The following TAFA1 variants were observed in gnomAD, a reference collection of about 807,000 sequenced individuals.
The protein encoded by TAFA1 is TAFA chemokine like family member 1.
A neutral mutation model predicts 18.5 loss-of-function variants in TAFA1; 4 were observed. The ratio of observed to expected loss-of-function variants is 0.22; its 90% CI spans 0.11 to 0.49. The LOEUF is 0.49. Among genes scored for constraint, TAFA1 ranks in the 20% least tolerant of loss-of-function variants. The probability of loss-of-function intolerance (pLI) is 0.98; values close to 1 mark genes in which losing one functional copy is unlikely to be tolerated. For synonymous variants in TAFA1, 56 were observed against 55.2 expected (o/e 1.01, Z -0.06); for missense variants, 147 against 169.0 (o/e 0.87, Z 0.72).
intron 2 of TAFA1, among the ~76,000 whole-genome samples, chr3:68,233,477 T>A (rs905950900): frequency 1.3e-5 from 2 of 152,204 alleles, no homozygotes; most frequent in African/African-American, 4.8e-5. Flanking sequence ...TGTATTCTAT[T>A]TCATTGGCCT....
chr3:68,225,573 A>G (rs1412605877), intron 2 of TAFA1, among the ~76,000 whole-genome samples: 1 of 152,098 alleles, frequency 6.6e-6, no homozygotes, highest in Non-Finnish European at 1.5e-5. Context: ...CGTAGGAAAT[A>G]TGTATTTCCT....
At chr3:68,202,285 G>A (rs549938282) in intron 2 of TAFA1, among the ~76,000 whole-genome samples, 1 of 151,664 alleles carries the variant, frequency 6.6e-6, no homozygotes, top group African/African-American at 2.4e-5. Flanking sequence ...ACATCTAGTT[G>A]GGTCTTGTTT....
chr3:68,021,185 C>A (rs1337176496), intron 2 of TAFA1, among the ~76,000 whole-genome samples: 23 of 56,084 alleles, frequency 4.1e-4, no homozygotes, highest in East Asian at 5.3e-4. Context: ...GACCCTGTCT[C>A]AAAAAAAAAA....
At chr3:68,471,061 G>A (rs545653480) in intron 3 of TAFA1, among the ~76,000 whole-genome samples, 35 of 152,190 alleles carry the variant, frequency 2.3e-4, no homozygotes, top group South Asian at 2.3e-3. Flanking sequence ...AGGGGCCAAC[G>A]TACAGCTCAG....
At chr3:68,288,748 TG>T (rs2068060767) in intron 2 of TAFA1, among the ~76,000 whole-genome samples, 1 of 152,226 alleles carries the variant, frequency 6.6e-6, no homozygotes, top group South Asian at 2.1e-4. Context: ...TGCTACTGTA[TG>T]GGCAGATTCA....
At chr3:68,329,354 C>A (rs2068827684) in intron 2 of TAFA1, among the ~76,000 whole-genome samples, 1 of 151,626 alleles carries the variant, frequency 6.6e-6, no homozygotes, top group African/African-American at 2.4e-5. Flanking sequence ...ATGTGAGCCA[C>A]AGCGCCCAGC....
intron 3 of TAFA1, among the ~76,000 whole-genome samples, chr3:68,468,275 A>C (rs1307450974): frequency 1.3e-5 from 2 of 152,240 alleles, no homozygotes; most frequent in Non-Finnish European, 2.9e-5. Flanking sequence ...AGGTAAAAAA[A>C]ATGTTAATTG....
intron 2 of TAFA1, among the ~76,000 whole-genome samples, chr3:68,367,253 A>C (rs1271742364): frequency 6.6e-6 from 1 of 152,220 alleles, no homozygotes; most frequent in East Asian, 1.9e-4. Context: ...CCCTCATTGG[A>C]AATCAGAATT....
intron 2 of TAFA1, among the ~76,000 whole-genome samples, chr3:68,064,208 G>A (rs192905704): frequency 2.3e-4 from 35 of 152,338 alleles, no homozygotes; most frequent in African/African-American, 7.9e-4. Context: ...CGTGGATCAC[G>A]TGAAAAACCA....
intron 3 of TAFA1, among the ~76,000 whole-genome samples, chr3:68,434,405 CA>C: frequency 6.6e-6 from 1 of 152,144 alleles, no homozygotes; most frequent in African/African-American, 2.4e-5. Flanking sequence ...CTGCTATTTA[CA>C]AGAAACTGAA....
intron 2 of TAFA1, among the ~76,000 whole-genome samples, chr3:68,180,896 G>A (rs1190729585): frequency 1.3e-5 from 2 of 152,174 alleles, no homozygotes; most frequent in African/African-American, 2.4e-5. Context: ...CAGCAAAAAC[G>A]AAGTGATGTG....
At chr3:68,079,147 T>C (rs4412370) in intron 2 of TAFA1, among the ~76,000 whole-genome samples, 17 of 152,300 alleles carry the variant, frequency 1.1e-4, no homozygotes, top group Admixed American at 7.8e-4. Context: ...TCTGTGGGAT[T>C]GGTGGTGATA....
At chr3:68,423,478 G>A (rs1269450995) in intron 3 of TAFA1, among the ~76,000 whole-genome samples, 1 of 151,980 alleles carries the variant, frequency 6.6e-6, no homozygotes, top group Non-Finnish European at 1.5e-5. Context: ...ATATTCCAAG[G>A]GCATTCTTAT....
chr3:68,269,154 A>G (rs2067609553), intron 2 of TAFA1, among the ~76,000 whole-genome samples: 1 of 152,142 alleles, frequency 6.6e-6, no homozygotes, highest in Non-Finnish European at 1.5e-5. Flanking sequence ...TGAGGGTCTT[A>G]TTAAAGATGC....
At chr3:68,000,229 A>G (rs1232258280), upstream of TAFA1, among the ~76,000 whole-genome samples, 2 of 152,356 alleles carry the variant, frequency 1.3e-5, no homozygotes, top group Non-Finnish European at 2.9e-5. Context: ...GCAGTATGTT[A>G]GACTCTGAAG....
chr3:68,378,053 ACT>A (rs992743513), intron 2 of TAFA1, among the ~76,000 whole-genome samples: 1 of 152,096 alleles, frequency 6.6e-6, no homozygotes, highest in African/African-American at 2.4e-5. Flanking sequence ...TCATGGAGAA[ACT>A]CTGCTGGGGT....
At chr3:68,403,875 A>G (rs2070543203) in intron 2 of TAFA1, among the ~76,000 whole-genome samples, 1 of 152,168 alleles carries the variant, frequency 6.6e-6, no homozygotes. Flanking sequence ...GTCTGTTAAT[A>G]CCCAGTTGAC....
chr3:68,201,135 C>T (rs1032344832), intron 2 of TAFA1, among the ~76,000 whole-genome samples: 2 of 151,452 alleles, frequency 1.3e-5, no homozygotes, highest in African/African-American at 4.8e-5. Context: ...CTTCTTTGAT[C>T]CCTGTGTTAT....
At chr3:68,368,568 C>T (rs376441966) in intron 2 of TAFA1, among the ~76,000 whole-genome samples, 1,660 of 62,000 alleles carry the variant, frequency 0.027, 10 homozygotes, top group Non-Finnish European at 0.034. Context: ...AACCAGAGGC[C>T]ATCTTGAGAT....
Sources: gnomAD v4.1 joint callset for allele counts (sites outside exome capture counted in the v4.1 genomes callset) on GRCh38, gnomAD v4.1.1 for gene constraint, MANE v1.5 for transcripts, NCBI Gene and HGNC (gene_info 2026-07-23, HGNC 2026-07-21) for gene names.